The following DACH1 variants were observed in gnomAD, a reference collection of about 807,000 sequenced individuals.
The protein encoded by DACH1 is dachshund family transcription factor 1.
In DACH1, 12 loss-of-function variants were observed where a neutral mutation model predicts 54.2. The observed-to-expected ratio is 0.22, with a 90% CI of 0.14 to 0.36. DACH1 has a LOEUF of 0.36. Ranked by LOEUF, DACH1 falls within the 10% of genes least tolerant of loss-of-function variation. DACH1 has a pLI of 1.00. For synonymous variants in DACH1, 386 were observed against 366.2 expected, an observed-to-expected ratio of 1.05 and a Z score of -0.62; for missense variants, 805 against 929.8, an observed-to-expected ratio of 0.87 and a Z score of 1.75.
intron 1 of DACH1, among the ~76,000 whole-genome samples, chr13:71,706,980 T>C (rs1882480644): frequency 6.6e-6 from 1 of 152,216 alleles, no homozygotes; most frequent in African/African-American, 2.4e-5. Flanking sequence ...AATTATTTGA[T>C]ATTAAAGTCT....
At chr13:71,820,187 A>G (rs1428479795) in intron 1 of DACH1, among the ~76,000 whole-genome samples, 2 of 151,892 alleles carry the variant, frequency 1.3e-5, no homozygotes, top group East Asian at 3.9e-4. Context: ...CTATGGAAGA[A>G]AGAGAAATAC....
intron 6 of DACH1, among the ~76,000 whole-genome samples, chr13:71,537,414 A>G (rs1189469546): frequency 2.0e-5 from 3 of 152,146 alleles, no homozygotes; most frequent in Non-Finnish European, 4.4e-5. Flanking sequence ...TTCTGTGTTT[A>G]TCATTTACTT....
At chr13:71,735,120 T>G (rs1368674774) in intron 1 of DACH1, among the ~76,000 whole-genome samples, 1 of 151,296 alleles carries the variant, frequency 6.6e-6, no homozygotes, top group African/African-American at 2.4e-5. Flanking sequence ...GTATATGGGT[T>G]ATACATATAT....
intron 6 of DACH1, 113 bp downstream of exon 6, chr13:71,556,911 A>G: frequency 8.4e-7 from 1 of 1,190,604 alleles, no homozygotes. Context: ...TTTTAAAAAC[A>G]TTTATATGCT....
intron 10 of DACH1, among the ~76,000 whole-genome samples, chr13:71,454,793 A>C (rs2138124917): frequency 6.6e-6 from 1 of 152,348 alleles, no homozygotes; most frequent in Middle Eastern, 3.4e-3. Flanking sequence ...GGGTACCCAA[A>C]GCAGAAGGCC....
chr13:71,556,957 G>T, intron 6 of DACH1, 67 bp downstream of exon 6: 1 of 1,440,610 alleles, frequency 6.9e-7, no homozygotes. Flanking sequence ...ACTTCATTGT[G>T]TGATTAAAAT....
Position 71,620,956 on chromosome 13 carries a change from A to G in DACH1, c.1126+9600T>C, listed in dbSNP as rs142800559. 9.9e-5 allele frequency among the ~76,000 whole-genome samples: 15 copies of G among 152,134 alleles called. No homozygotes were observed. The East Asian group carries it at 2.7e-3, about 27-fold the overall frequency. ...AATGCTGCAATTATAGATGAACTCA[A>G]TTGATAAAAAGACTTAAATATGTGC... On this transcript the variant is annotated intron_variant, in intron 3 of 10. Transcript: ENST00000613252.
chr13:71,527,025 A>G (rs1424557782), intron 6 of DACH1, among the ~76,000 whole-genome samples: 1 of 151,874 alleles, frequency 6.6e-6, no homozygotes. Flanking sequence ...ACTTGCAATT[A>G]TTAATACTTC....
chr13:71,789,548 T>C (rs193143100), intron 1 of DACH1, among the ~76,000 whole-genome samples: 1 of 151,866 alleles, frequency 6.6e-6, no homozygotes, highest in East Asian at 1.9e-4. Context: ...GTATTTATGT[T>C]GCCTTTCACT....
At chr13:71,833,310 G>C (rs1481452337) in intron 1 of DACH1, among the ~76,000 whole-genome samples, 1 of 151,842 alleles carries the variant, frequency 6.6e-6, no homozygotes, top group Non-Finnish European at 1.5e-5. Flanking sequence ...GCTCATGAAA[G>C]TCTCATAGTT....
chr13:71,501,300 A>G (rs1248957560), intron 6 of DACH1, among the ~76,000 whole-genome samples: 1 of 152,142 alleles, frequency 6.6e-6, no homozygotes, highest in Non-Finnish European at 1.5e-5. Context: ...TTGGTTTTTC[A>G]GTCATCACAT....
chr13:71,635,304 C>T (rs1877400948), intron 2 of DACH1, among the ~76,000 whole-genome samples: 1 of 152,152 alleles, frequency 6.6e-6, no homozygotes, highest in Non-Finnish European at 1.5e-5. Context: ...ACAAAAGATT[C>T]ACCACCCTCA....
intron 1 of DACH1, among the ~76,000 whole-genome samples, chr13:71,769,008 C>G (rs1341769822): frequency 6.6e-6 from 1 of 151,748 alleles, no homozygotes; most frequent in East Asian, 1.9e-4. Context: ...CTATGACAAC[C>G]TGTGCATTAA....
chr13:71,636,259 C>T (rs1304706936), intron 2 of DACH1, among the ~76,000 whole-genome samples: 1 of 152,036 alleles, frequency 6.6e-6, no homozygotes, highest in Admixed American at 6.6e-5. Flanking sequence ...AAAGTATCTC[C>T]TACACCAAGA....
At position 71,630,602 on chromosome 13, in the gene DACH1, G is replaced by C. The variant is rs1877021764; in HGVS notation, c.1080C>G (p.Asn360Lys). ...CGTTTTCAGAGTCTGCTCCATGTTG[G>C]TTATTACTGGCATGATAGTTGCTCA... ...EAMSNYHASN[N>K]QHGADSENGD... The change falls in exon 3 of 11, where the codon AAC becomes AAG. Residue 360 changes from asparagine to lysine, a missense_variant. Asn to Lys is a moderately conservative substitution (Grantham distance 94). Transcript: ENST00000613252. 1 of 1,609,050 alleles carries C rather than the reference G, an allele frequency of 6.2e-7. No homozygotes were observed. Among genetic ancestry groups the C allele is most frequent in the Non-Finnish European group, 8.5e-7 (1 of 1,178,676 alleles).
chr13:71,732,505 A>T (rs1883796926), intron 1 of DACH1, among the ~76,000 whole-genome samples: 1 of 151,578 alleles, frequency 6.6e-6, no homozygotes, highest in Non-Finnish European at 1.5e-5. Context: ...GAATCACTTG[A>T]ACCCGGGAGG....
rs1488219766 is a variant in DACH1, at chr13:71,704,361, G to C, written c.849-22451C>G. ...CACAGGTGTTACCATGGCAAAACTG[G>C]AAGAGTCTACCATGTTCCCCAGCAT... On this transcript the variant is annotated intron_variant, in intron 1 of 10. Transcript: ENST00000613252. 3 of 429,362 alleles carry C rather than the reference G, an allele frequency of 7.0e-6. No individual in the cohort carries two copies. In the East Asian group the frequency reaches 1.7e-4, roughly 25 times the overall value. 26.6% of individuals were successfully genotyped at this position (429,362 alleles called of 1,614,324 possible). A position where few individuals can be genotyped will look rare whatever the true frequency, so the allele number is the denominator to read the frequency against.
At chr13:71,543,571 T>A (rs1195202224) in intron 6 of DACH1, among the ~76,000 whole-genome samples, 1 of 152,104 alleles carries the variant, frequency 6.6e-6, no homozygotes, top group South Asian at 2.1e-4. Context: ...CTTGATCAGA[T>A]ACCATGGGCC....
At chr13:71,603,701 T>C (rs1874672620) in intron 3 of DACH1, among the ~76,000 whole-genome samples, 1 of 151,944 alleles carries the variant, frequency 6.6e-6, no homozygotes, top group Non-Finnish European at 1.5e-5. Context: ...TTAAATGGGA[T>C]AGATACTCCA....
Sources: gnomAD v4.1 joint callset for allele counts (sites outside exome capture counted in the v4.1 genomes callset) on GRCh38, gnomAD v4.1.1 for gene constraint, MANE v1.5 for transcripts, NCBI Gene and HGNC (gene_info 2026-07-23, HGNC 2026-07-21) for gene names.